MMEL1: variants seen among roughly 807,000 people sequenced by gnomAD.
The protein encoded by MMEL1 is membrane metalloendopeptidase like 1, also known as membrane metallo-endopeptidase-like 1.
In MMEL1, 98 loss-of-function variants were observed where a neutral mutation model predicts 117.1. The ratio of observed to expected loss-of-function variants is 0.84; its 90% CI spans 0.71 to 0.99. MMEL1 has a LOEUF of 0.99. Among genes scored for constraint, MMEL1 ranks in the 50% least tolerant of loss-of-function variants. The pLI, the probability that MMEL1 is intolerant of heterozygous loss-of-function variation, is 0.00. For missense variants in MMEL1, 1,014 were observed against 1,049.1 expected, an observed-to-expected ratio of 0.97 and a Z score of 0.46; for synonymous variants, 390 against 415.1, an observed-to-expected ratio of 0.94 and a Z score of 0.74.
rs902534085 is a variant in MMEL1 at position 2,604,427 on chromosome 1, CAG to C, written c.817-148_817-147del. 19 of 1,189,268 alleles carry C rather than the reference CAG, an allele frequency of 1.6e-5. No individual in the cohort carries two copies. In the South Asian group the frequency reaches 2.1e-4, roughly 13 times the overall value. The allele number at this position is 1,189,268 out of a possible 1,614,324, so 73.7% of individuals were successfully genotyped here. A position where few individuals can be genotyped will look rare whatever the true frequency, so the allele number is the denominator to read the frequency against. ...CTTGACCAGCAGGCTCTCGGGCACACAGAGTGCCGAGTGGGAGCGTCTCAGAC... is the reference window on the plus strand; with the variant it reads ...CTTGACCAGCAGGCTCTCGGGCACACAGTGCCGAGTGGGAGCGTCTCAGAC... On this transcript the variant is annotated intron_variant, in intron 9 of 23. Transcript: ENST00000378412.
chr1:2,629,777 A>G, intron 1 of MMEL1: 1 of 351,392 alleles, frequency 2.8e-6, no homozygotes, highest in Non-Finnish European at 5.1e-6. Flanking sequence ...AGCTGGACCC[A>G]GGAGGCTCAG....
Position 2,609,438 on chromosome 1 carries a change from G to A in MMEL1, c.455-19C>T. ...AGCACCGCTGTGGGCACAGGAAAAG[G>A]TTGGACAGAGGCCTGACGAGGCTGC... On this transcript the variant is annotated intron_variant, in intron 5 of 23. Transcript: ENST00000378412. 1 of 1,604,908 alleles carries A rather than the reference G, an allele frequency of 6.2e-7. No homozygotes were observed. Among genetic ancestry groups the A allele is most frequent in the Non-Finnish European group, 8.5e-7 (1 of 1,175,836 alleles).
intron 2 of MMEL1, among the ~76,000 whole-genome samples, chr1:2,614,138 T>C (rs1431286856): frequency 1.3e-5 from 2 of 152,234 alleles, no homozygotes; most frequent in African/African-American, 4.8e-5. Context: ...CACAGAATGT[T>C]ATAGCACAAA....
chr1:2,598,422 A>C, intron 12 of MMEL1, 122 bp from the exon 13 acceptor site: 1 of 1,193,376 alleles, frequency 8.4e-7, no homozygotes, highest in South Asian at 1.4e-5. Context: ...GCTGGAGAAA[A>C]CCTCCAGGAC....
chr1:2,614,016 G>C (rs1645167728), intron 2 of MMEL1, among the ~76,000 whole-genome samples: 1 of 152,184 alleles, frequency 6.6e-6, no homozygotes, highest in Non-Finnish European at 1.5e-5. Context: ...TTGAATAGGT[G>C]AAGAACAAGG....
chr1:2,631,930 G>T (rs534625988), intron 1 of MMEL1, among the ~76,000 whole-genome samples: 8 of 152,304 alleles, frequency 5.3e-5, no homozygotes, highest in African/African-American at 1.4e-4. Flanking sequence ...GGGCCCAGGG[G>T]CCTGTAACTA....
chr1:2,615,772 G>A (rs72646009), intron 2 of MMEL1, among the ~76,000 whole-genome samples: 2,250 of 152,164 alleles, frequency 0.015, 17 homozygotes, highest in Non-Finnish European at 0.024. Flanking sequence ...GAAATATTAC[G>A]GAAGGAAACC....
intron 20 of MMEL1, 32 bp from the exon 21 acceptor site, chr1:2,592,752 C>T (rs748968611): frequency 9.9e-6 from 16 of 1,610,082 alleles, no homozygotes; most frequent in East Asian, 4.5e-5. Context: ...GGGGCAGCCC[C>T]GGCCCTGACT....
intron 13 of MMEL1, among the ~76,000 whole-genome samples, 185 bp downstream of exon 13, chr1:2,598,022 G>A (rs947792852): frequency 1.1e-4 from 16 of 152,230 alleles, no homozygotes; most frequent in Admixed American, 6.5e-5. Flanking sequence ...CTGCGGTTTT[G>A]GCAGAGCTAC....
In MMEL1 at chr1:2,598,259, C is replaced by A. The variant is rs899777651; in HGVS notation, c.1220G>T (p.Arg407Leu). The change falls in exon 13 of 24, where the codon CGC becomes CTC. Residue 407 changes from arginine to leucine, a missense_variant. Transcript: ENST00000378412. ...GAATCTCTGGCTTAGGCTACCAATGCGGTCCAGCACCAGGCGCCAGACCAG... is the reference window on the plus strand; with the variant it reads ...GAATCTCTGGCTTAGGCTACCAATGAGGTCCAGCACCAGGCGCCAGACCAG... ...NYLVWRLVLD[R>L]IGSLSQRFKD... 3.1e-6 allele frequency: 5 copies of A among 1,613,978 alleles called. No homozygotes were observed. The Admixed American group carries it at 8.3e-5, about 27-fold the overall frequency.
At position 2,612,017 on chromosome 1, in the gene MMEL1, A is replaced by C; in HGVS notation, c.232+110T>G. On this transcript the variant is annotated intron_variant, in intron 3 of 23. Coordinates refer to ENST00000378412, the MANE Select transcript of MMEL1 (RefSeq NM_033467.4). The surrounding 1 kb of genome is among the most constrained non-coding windows in gnomAD (Gnocchi z 5.4). ...CCTCTCCCCATGGCCCTCCTCCGGC[A>C]CATGAGGGTTGGGCAGAACCCAGCC... is the stretch of plus-strand genomic sequence containing the variant. 1 of 934,552 alleles carries C rather than the reference A, an allele frequency of 1.1e-6. No individual in the cohort carries two copies. Among genetic ancestry groups the C allele is most frequent in the South Asian group, 1.5e-5 (1 of 66,676 alleles). The allele number at this position is 934,552 out of a possible 1,614,324, so 57.9% of individuals were successfully genotyped here. A position where few individuals can be genotyped will look rare whatever the true frequency, so the allele number is the denominator to read the frequency against.
chr1:2,625,496 G>C (rs1638234376), intron 2 of MMEL1, among the ~76,000 whole-genome samples: 1 of 152,246 alleles, frequency 6.6e-6, no homozygotes, highest in South Asian at 2.1e-4. Flanking sequence ...GTGGCAGATA[G>C]ATAGGGATGC....
Position 2,592,010 on chromosome 1 carries a change from C to T in MMEL1, c.2085G>A (p.Met695Ile). 6.2e-7 allele frequency: 1 copy of T among 1,613,248 alleles called. No homozygotes were observed. Among genetic ancestry groups the T allele is most frequent in the Non-Finnish European group, 8.5e-7 (1 of 1,179,800 alleles). ...GCTGCTGGTCCTTGCCACCCTCTGC[C>T]ATCCACTTGAGGTAGGCCTGCAGGC... ...RQAYKAYLKWMAEGGKDQQLP... is the reference protein window; with the variant it reads ...RQAYKAYLKWIAEGGKDQQLP... Residue 695 changes from methionine (M) to isoleucine (I), a missense_variant, in exon 22 of 24, where the codon ATG becomes ATA. Transcript: ENST00000378412.
At chr1:2,594,067 A>G (rs1055101349) in intron 18 of MMEL1, 134 bp from the exon 19 acceptor site, 1 of 1,222,196 alleles carries the variant, frequency 8.2e-7, no homozygotes, top group Non-Finnish European at 1.1e-6. Context: ...GATTCCCTCA[A>G]TTTACAGATG....
chr1:2,605,748 G>C (rs908418706), intron 8 of MMEL1, 125 bp from the exon 9 acceptor site: 1 of 692,218 alleles, frequency 1.4e-6, no homozygotes. Context: ...CCAGGAGCTG[G>C]TGGTGGAGCT....
In MMEL1 at chr1:2,594,440, C is replaced by A; in HGVS notation, c.1692G>T (p.Trp564Cys). 6.4e-7 allele frequency: 1 copy of A among 1,551,494 alleles called. No individual in the cohort carries two copies. The highest frequency in any genetic ancestry group is 8.7e-7 in the Non-Finnish European group (1 of 1,146,960). ...CATTGACCACCGCCGCCCCGATGATCCAGCTGTGATAGACAAGCCGGTCTC... is the reference window on the plus strand; with the variant it reads ...CATTGACCACCGCCGCCCCGATGATACAGCTGTGATAGACAAGCCGGTCTC... ...KLREKVDPNL[W>C]IIGAAVVNAF... Residue 564 changes from tryptophan (W) to cysteine (C), a missense_variant, in exon 18 of 24, where the codon TGG becomes TGT. Physicochemically the swap from Trp to Cys is radical, Grantham distance 215. Coordinates refer to ENST00000378412, the MANE Select transcript of MMEL1 (RefSeq NM_033467.4).
intron 18 of MMEL1, chr1:2,594,139 G>T: frequency 2.6e-6 from 2 of 782,344 alleles, no homozygotes; most frequent in Non-Finnish European, 4.0e-6. Context: ...CCTCAGTCCG[G>T]CCTCCTCCCA....
At chr1:2,599,251 C>A (rs1434095740) in intron 11 of MMEL1, among the ~76,000 whole-genome samples, 1 of 152,128 alleles carries the variant, frequency 6.6e-6, no homozygotes, top group South Asian at 2.1e-4. Context: ...CCAAGAATAA[C>A]CTTGATACCA....
chr1:2,606,058 G>A (rs1039946921), intron 8 of MMEL1, among the ~76,000 whole-genome samples, 190 bp downstream of exon 8: 4 of 152,144 alleles, frequency 2.6e-5, no homozygotes, highest in African/African-American at 9.7e-5. Context: ...GCTTGGCCAG[G>A]AGGCCCAACA....
Sources: allele counts gnomAD v4.1 joint callset (sites outside exome capture counted in the v4.1 genomes callset), GRCh38; gene constraint gnomAD v4.1.1; non-coding constraint Gnocchi (gnomAD v3.1); transcripts MANE v1.5; gene names NCBI Gene and HGNC (gene_info 2026-07-23, HGNC 2026-07-21).